The following TTC28 variants were observed in gnomAD, a reference collection of about 807,000 sequenced individuals.
The protein encoded by TTC28 is tetratricopeptide repeat protein 28.
Under a neutral mutation model 198.0 loss-of-function variants are expected in TTC28, and 61 were observed. The observed-to-expected ratio is 0.31, with a 90% CI of 0.25 to 0.38. The LOEUF is 0.38. Among genes scored for constraint, TTC28 ranks in the 10% least tolerant of loss-of-function variants. The probability of loss-of-function intolerance (pLI) is 1.00; values close to 1 mark genes in which losing one functional copy is unlikely to be tolerated. For missense variants in TTC28, 2,678 were observed against 3,164.0 expected (o/e 0.85, Z 3.69); for synonymous variants, 1,171 against 1,297.8 (o/e 0.90, Z 2.10).
intron 5 of TTC28, among the ~76,000 whole-genome samples, chr22:28,191,476 G>A (rs771101429): frequency 7.9e-5 from 12 of 152,334 alleles, no homozygotes; most frequent in East Asian, 5.8e-4. Flanking sequence ...GAGCGTAAGC[G>A]GAGGCAGGGC....
intron 2 of TTC28, among the ~76,000 whole-genome samples, chr22:28,454,698 T>C (rs769469120): frequency 2.0e-5 from 3 of 152,314 alleles, no homozygotes; most frequent in Middle Eastern, 6.8e-3. Flanking sequence ...AATCCAAAGA[T>C]GGGTAGATAA....
intron 2 of TTC28, among the ~76,000 whole-genome samples, chr22:28,623,056 C>T (rs536229233): frequency 1.5e-3 from 229 of 152,204 alleles, no homozygotes; most frequent in Non-Finnish European, 2.6e-3. Context: ...CTCCTAACCT[C>T]AGGTGATCCA....
Position 28,524,243 on chromosome 22 carries a change from G to T in TTC28, c.381+105309C>A, listed in dbSNP as rs139103768. Among the ~76,000 whole-genome samples, 718 of 150,514 alleles carry T rather than the reference G, an allele frequency of 4.8e-3. 1 individual carries two copies. Among genetic ancestry groups the T allele is most frequent in the Non-Finnish European group, 8.5e-3 (575 of 67,624 alleles). ...GAGGCCAAGACGGGCAGATCACCAG[G>T]TCAGGAGATCGAGACCATCCCGGCT... is the stretch of plus-strand genomic sequence containing the variant. On this transcript the variant is annotated intron_variant, in intron 2 of 22. Coordinates refer to ENST00000397906, the MANE Select transcript of TTC28 (RefSeq NM_001145418.2).
Position 28,113,287 on chromosome 22 carries a change from C to T in TTC28, c.1442-4884G>A, listed in dbSNP as rs144706957. 2.8e-3 allele frequency among the ~76,000 whole-genome samples: 424 copies of T among 152,250 alleles called. 8 individuals are homozygous for T. Among genetic ancestry groups the T allele is most frequent in the Non-Finnish European group, 2.8e-4 (19 of 68,014 alleles). Reference sequence around the variant, plus strand: ...GTTACAGTCATGATTATTAATAGTACACAACCCAAATGGGGCTTTAAGAGA... The same window carrying T: ...GTTACAGTCATGATTATTAATAGTATACAACCCAAATGGGGCTTTAAGAGA... On this transcript the variant is annotated intron_variant, in intron 6 of 22. Coordinates refer to ENST00000397906, the MANE Select transcript of TTC28 (RefSeq NM_001145418.2).
At chr22:28,352,201 T>C (rs760270245) in intron 2 of TTC28, among the ~76,000 whole-genome samples, 1 of 152,026 alleles carries the variant, frequency 6.6e-6, no homozygotes, top group Non-Finnish European at 1.5e-5. Flanking sequence ...ACTTATCCCT[T>C]ATTTAATAGC....
intron 2 of TTC28, among the ~76,000 whole-genome samples, chr22:28,344,986 C>T (rs1440502878): frequency 6.6e-6 from 1 of 152,128 alleles, no homozygotes; most frequent in Non-Finnish European, 1.5e-5. Context: ...AGACGGTAAG[C>T]AGCTTGCCTC....
intron 5 of TTC28, among the ~76,000 whole-genome samples, chr22:28,218,154 A>G (rs1927552979): frequency 1.3e-5 from 2 of 152,208 alleles, no homozygotes; most frequent in Admixed American, 1.3e-4. Context: ...GACTATATCA[A>G]TGAACTTTCT....
chr22:27,981,533 T>A lies in TTC28; in HGVS notation c.*688A>T, dbSNP rs1275688822. ...GATAAGAGTTACATAATTTTTTTTT[T>A]AAGAAAATTCAAGTTTGGTTGACAG... On this transcript the variant is annotated 3_prime_UTR_variant, in exon 23 of 23. Transcript: ENST00000397906. The A allele has an allele frequency of 6.6e-6, 1 of 151,960 alleles. No homozygotes were observed. The highest frequency in any genetic ancestry group is 2.4e-5 in the African/African-American group (1 of 41,354). The allele number at this position is 151,960 out of a possible 1,614,324, so 9.4% of individuals were successfully genotyped here.
At chr22:28,022,320 G>A (rs1433620014) in intron 13 of TTC28, among the ~76,000 whole-genome samples, 2 of 152,250 alleles carry the variant, frequency 1.3e-5, no homozygotes, top group Admixed American at 6.5e-5. Flanking sequence ...GAGGGTCCTC[G>A]GTGGTGGCAG....
At chr22:28,592,452 A>T (rs2050450985) in intron 2 of TTC28, among the ~76,000 whole-genome samples, 1 of 152,096 alleles carries the variant, frequency 6.6e-6, no homozygotes, top group African/African-American at 2.4e-5. Flanking sequence ...GTAGTTCGAG[A>T]CCAGCCTGAT....
At chr22:28,477,486 C>A (rs1053903271) in intron 2 of TTC28, among the ~76,000 whole-genome samples, 3 of 152,006 alleles carry the variant, frequency 2.0e-5, no homozygotes, top group African/African-American at 7.3e-5. Flanking sequence ...ATGTCAAATT[C>A]TCTTTTAAAA....
chr22:28,471,300 G>A (rs1005738997), intron 2 of TTC28, among the ~76,000 whole-genome samples: 2 of 152,032 alleles, frequency 1.3e-5, no homozygotes, highest in South Asian at 2.1e-4. Context: ...ACATCAAAAG[G>A]CAAAATGTCA....
chr22:28,490,110 GTGCCCACCCAGATTAAGA>G (rs1250151940), intron 2 of TTC28, among the ~76,000 whole-genome samples: 1 of 152,060 alleles, frequency 6.6e-6, no homozygotes, highest in Non-Finnish European at 1.5e-5. Context: ...TGATTAGATG[GTGCCCACCCAGATTAAGA>G]TGGGTCTGCC....
In TTC28 at chr22:28,107,111, G is replaced by A. The variant is rs748350110; in HGVS notation, c.2734C>T (p.Arg912Cys). 5.8e-6 allele frequency: 9 copies of A among 1,551,504 alleles called. No individual in the cohort carries two copies. Among genetic ancestry groups the A allele is most frequent in the African/African-American group, 1.4e-5 (1 of 73,018 alleles). ...TAAGCCTTGGCTTGGTCTTGCATGC[G>A]ATTCAGACTCTGCGCGACAGATAAA... is the stretch of plus-strand genomic sequence containing the variant. ...QYLSVAQSLNRMQDQAKAYRG... is the reference protein window; with the variant it reads ...QYLSVAQSLNCMQDQAKAYRG... Residue 912 changes from arginine to cysteine, a missense_variant, in exon 7 of 23, where the codon CGC (arginine) becomes TGC (cysteine). By Grantham distance (180) the Arg-to-Cys change is radical (BLOSUM62 -3). Coordinates refer to ENST00000397906, the MANE Select transcript of TTC28 (RefSeq NM_001145418.2).
intron 12 of TTC28, among the ~76,000 whole-genome samples, chr22:28,060,620 G>T (rs1300689355): frequency 6.6e-6 from 1 of 152,236 alleles, no homozygotes; most frequent in Non-Finnish European, 1.5e-5. Flanking sequence ...CCAGTAATGG[G>T]ATGGCTGGGT....
chr22:28,243,208 A>AAAAAAAAAAAAAAAAAAAACAAAAAC (rs1569217602), intron 5 of TTC28, among the ~76,000 whole-genome samples: 1 of 120,788 alleles, frequency 8.3e-6, no homozygotes, highest in African/African-American at 3.0e-5. Flanking sequence ...AAAAAAAAAA[A>AAAAAAAAAAAAAAAAAAAACAAAAAC]AAAAACTAGC....
chr22:28,022,214 C>A (rs9625386), intron 13 of TTC28, among the ~76,000 whole-genome samples: 116 of 152,168 alleles, frequency 7.6e-4, no homozygotes, highest in African/African-American at 2.5e-3. Flanking sequence ...CTGGCCTGTG[C>A]CCTCTATCCC....
intron 2 of TTC28, among the ~76,000 whole-genome samples, chr22:28,571,402 T>A (rs2050057618): frequency 6.6e-6 from 1 of 152,172 alleles, no homozygotes; most frequent in East Asian, 1.9e-4. Flanking sequence ...AAAGACAAAT[T>A]ATTAAGAATA....
chr22:28,297,728 G>A lies in TTC28; in HGVS notation c.654C>T (p.Val218=). ...TAGHHGASVV[V]LEAALKIGTC... ...TGCCAATCTTCAGTGCGGCTTCTAAGACAACCACAGAGGCCCCATGATGGC... is the reference window on the plus strand; with the variant it reads ...TGCCAATCTTCAGTGCGGCTTCTAAAACAACCACAGAGGCCCCATGATGGC... The change falls in exon 4 of 23, where the codon GTC becomes GTT. Residue 218 remains valine, a synonymous_variant. Coordinates refer to ENST00000397906, the MANE Select transcript of TTC28 (RefSeq NM_001145418.2). 6.4e-7 allele frequency: 1 copy of A among 1,551,644 alleles called. No individual in the cohort carries two copies.
Sources: gnomAD v4.1 joint callset for allele counts (sites outside exome capture counted in the v4.1 genomes callset) on GRCh38, gnomAD v4.1.1 for gene constraint, MANE v1.5 for transcripts, NCBI Gene and HGNC (gene_info 2026-07-23, HGNC 2026-07-21) for gene names.